RYR3: variants seen among roughly 807,000 people sequenced by gnomAD.
RYR3 encodes brain ryanodine receptor-calcium release channel.
In RYR3, 207 loss-of-function variants were observed where a neutral mutation model predicts 584.3. The observed-to-expected ratio is 0.35, with a 90% CI of 0.32 to 0.40. The LOEUF (loss-of-function observed/expected upper bound fraction) is 0.40, where lower values mean the gene tolerates loss of function less well. Ranked by LOEUF, RYR3 falls within the 10% of genes least tolerant of loss-of-function variation. The probability of loss-of-function intolerance (pLI) is 1.00; values close to 1 mark genes in which losing one functional copy is unlikely to be tolerated. For missense variants in RYR3, 5,616 were observed against 6,089.2 expected (o/e 0.92, Z 2.59); for synonymous variants, 2,416 against 2,248.5 (o/e 1.07, Z -2.11).
chr15:33,690,298 C>G (rs771950847), intron 38 of RYR3, among the ~76,000 whole-genome samples: 1 of 147,562 alleles, frequency 6.8e-6, no homozygotes, highest in Non-Finnish European at 1.5e-5. Context: ...TTCTTAAGCC[C>G]AAATTCAGGA....
At chr15:33,584,252 T>C (rs1309716516) in intron 14 of RYR3, 143 bp from the exon 15 acceptor site, 1 of 532,642 alleles carries the variant, frequency 1.9e-6, no homozygotes, top group East Asian at 3.2e-5. Flanking sequence ...AAGAAAGAAT[T>C]GTGTCAAAGG....
chr15:33,576,364 C>A (rs1441658122), intron 12 of RYR3, among the ~76,000 whole-genome samples: 3 of 152,134 alleles, frequency 2.0e-5, no homozygotes, highest in African/African-American at 7.2e-5. Flanking sequence ...ATGTGAAAAT[C>A]TCTATAAAAT....
At chr15:33,695,302 C>T (rs1199904599) in intron 38 of RYR3, among the ~76,000 whole-genome samples, 1 of 152,196 alleles carries the variant, frequency 6.6e-6, no homozygotes, top group Non-Finnish European at 1.5e-5. Flanking sequence ...GGTCCCCTTC[C>T]TCCTTTACCT....
At chr15:33,479,668 C>T (rs1416937998) in intron 2 of RYR3, among the ~76,000 whole-genome samples, 1 of 151,938 alleles carries the variant, frequency 6.6e-6, no homozygotes, top group Non-Finnish European at 1.5e-5. Flanking sequence ...TTGTTCATTC[C>T]AAACCTGAAT....
At chr15:33,811,218 G>A (rs1242386049) in intron 72 of RYR3, among the ~76,000 whole-genome samples, 181 bp downstream of exon 72, 2 of 151,992 alleles carry the variant, frequency 1.3e-5, no homozygotes, top group Admixed American at 6.6e-5. Context: ...AAATTTACTG[G>A]TACATGGCTG....
chr15:33,650,328 G>A (rs1178512821), intron 31 of RYR3, among the ~76,000 whole-genome samples: 1 of 152,112 alleles, frequency 6.6e-6, no homozygotes, highest in Non-Finnish European at 1.5e-5. Flanking sequence ...AGTGAGCCGA[G>A]ATGGCGCCAC....
At chr15:33,726,135 C>T (rs1413571812) in intron 45 of RYR3, among the ~76,000 whole-genome samples, 3 of 152,260 alleles carry the variant, frequency 2.0e-5, no homozygotes, top group Non-Finnish European at 4.4e-5. Flanking sequence ...ACCACAACCT[C>T]ATGGCCACTT....
intron 49 of RYR3, 90 bp from the exon 50 acceptor site, chr15:33,738,360 C>T (rs895998579): frequency 4.9e-5 from 65 of 1,321,326 alleles, no homozygotes; most frequent in Non-Finnish European, 6.3e-5. Context: ...ATGGTCTCTG[C>T]TTACTACTTG....
chr15:33,586,234 TGGG>T, intron 16 of RYR3, 118 bp downstream of exon 16: 1 of 685,930 alleles, frequency 1.5e-6, no homozygotes, highest in Admixed American at 2.6e-5. Context: ...ATAAAAATCT[TGGG>T]AAACTGGAAA....
rs1452311664 is a variant in RYR3, at chr15:33,580,027, G to A, written c.1320G>A (p.Leu440=). ...APITLPIEEV[L]QTLQDLIAYF... The stretch of plus-strand genomic sequence containing the variant: ...TCACCCTGCCTATAGAAGAAGTCCT[G>A]CAGACCCTACAGGACTTGATCGCCT... The change falls in exon 13 of 104, where the codon CTG becomes CTA. Residue 440 remains leucine, a synonymous_variant. Coordinates refer to ENST00000634891, the MANE Select transcript of RYR3 (RefSeq NM_001036.6). 6.2e-7 allele frequency: 1 copy of A among 1,613,412 alleles called. No homozygotes were observed. The highest frequency in any genetic ancestry group is 8.5e-7 in the Non-Finnish European group (1 of 1,179,676).
chr15:33,861,273 CAG>C (rs1888096389), intron 102 of RYR3, 95 bp downstream of exon 102: 2 of 872,228 alleles, frequency 2.3e-6, no homozygotes, highest in Admixed American at 4.3e-5. Flanking sequence ...AAAGAGTAAC[CAG>C]AAAGGAACTT....
intron 5 of RYR3, among the ~76,000 whole-genome samples, chr15:33,534,174 G>A (rs1209297659): frequency 2.0e-5 from 3 of 152,348 alleles, no homozygotes; most frequent in Non-Finnish European, 4.4e-5. Flanking sequence ...GCCGAGGCTG[G>A]CGGATGACCT....
chr15:33,438,288 G>A (rs182756000), intron 1 of RYR3, among the ~76,000 whole-genome samples: 92 of 152,114 alleles, frequency 6.0e-4, no homozygotes, highest in African/African-American at 2.0e-3. Context: ...CCTGTAACCA[G>A]CATCTCCCAT....
chr15:33,511,604 AT>A (rs2053011933), intron 3 of RYR3, among the ~76,000 whole-genome samples: 1 of 124,858 alleles, frequency 8.0e-6, no homozygotes, highest in Non-Finnish European at 1.8e-5. Flanking sequence ...TGTCTCTGCA[AT>A]TAAAAAAAAA....
At chr15:33,588,583 A>G (rs1432863520) in intron 16 of RYR3, among the ~76,000 whole-genome samples, 3 of 152,114 alleles carry the variant, frequency 2.0e-5, no homozygotes, top group Admixed American at 6.6e-5. Context: ...TGTACTCATT[A>G]AGCAATTTCT....
rs116413929 is a variant in RYR3, at chr15:33,631,503, C to T, written c.2867+210C>T. ...GTTTTCCCTCTCTTTGCCCCTTCCA[C>T]CTGGACCTCACACTAATATTGTTAG... On this transcript the variant is annotated intron_variant, in intron 23 of 103. Transcript: ENST00000634891. Among the ~76,000 whole-genome samples the T allele has an allele frequency of 2.1e-3, 327 of 152,264 alleles. 1 individual carries two copies. The highest frequency in any genetic ancestry group is 7.5e-3 in the African/African-American group (312 of 41,540).
chr15:33,530,653 C>A lies in RYR3; in HGVS notation c.341C>A (p.Ser114Tyr). 6.2e-7 allele frequency: 1 copy of A among 1,613,146 alleles called. No individual in the cohort carries two copies. The change falls in exon 4 of 104, where the codon TCT becomes TAT. Residue 114 changes from serine (S) to tyrosine (Y), a missense_variant. This residue lies in a region of RYR3 where 1,284 missense variants were observed against 1,344.6 expected (regional missense o/e 0.95). Transcript: ENST00000634891. ...LYGHAVLLRH[S>Y]FSGMYLTCLT... Reference sequence around the variant, plus strand: ...GGCCATGCAGTTCTCCTGAGGCACTCTTTCAGCGGAATGGTAAGCAGCTCT... The same window carrying A: ...GGCCATGCAGTTCTCCTGAGGCACTATTTCAGCGGAATGGTAAGCAGCTCT...
Position 33,699,839 on chromosome 15 carries a change from T to G in RYR3, c.6379+6T>G, listed in dbSNP as rs1421017161. On this transcript the variant is annotated splice_donor_region_variant and intron_variant, in intron 41 of 103. Transcript: ENST00000634891. ...GAATAGCAGTGTTGGCCTAGGTGCG[T>G]AAGTCTTCTTGTAACTTCCACATCC... The G allele has an allele frequency of 1.2e-6, 2 of 1,608,758 alleles. No individual in the cohort carries two copies. The highest frequency in any genetic ancestry group is 8.5e-7 in the Non-Finnish European group (1 of 1,175,988).
intron 93 of RYR3, among the ~76,000 whole-genome samples, chr15:33,846,594 T>C (rs1462279452): frequency 1.3e-5 from 2 of 152,188 alleles, no homozygotes; most frequent in Non-Finnish European, 2.9e-5. Flanking sequence ...CTTTCCTATA[T>C]TGTGGTCCTT....
Sources: allele counts gnomAD v4.1 joint callset (sites outside exome capture counted in the v4.1 genomes callset), GRCh38; gene constraint gnomAD v4.1.1; regional missense constraint gnomAD v4.1.1; transcripts MANE v1.5; gene names NCBI Gene and HGNC (gene_info 2026-07-23, HGNC 2026-07-21).